The following PKP2 variants were observed in gnomAD, a reference collection of about 807,000 sequenced individuals.
PKP2 encodes plakophilin-2.
Under a neutral mutation model 83.4 loss-of-function variants are expected in PKP2, and 73 were observed. The observed-to-expected ratio is 0.88, with a 90% CI of 0.72 to 1.06. The LOEUF is 1.06. Ranked by LOEUF, PKP2 falls within the 50% of genes least tolerant of loss-of-function variation. PKP2 has a pLI of 0.00. For synonymous variants in PKP2, 409 were observed against 430.4 expected, an observed-to-expected ratio of 0.95 and a Z score of 0.62; for missense variants, 966 against 1,065.4, an observed-to-expected ratio of 0.91 and a Z score of 1.30.
rs1957129622 is a variant in PKP2 at position 32,896,740 on chromosome 12, T to A, written c.-9A>T. On this transcript the variant is annotated 5_prime_UTR_variant, in exon 1 of 13. Transcript: ENST00000340811. ...GCGCCGGGGGCTGCCATGGGGCCGG[T>A]GGGGGCGACCGAGCTGCTCGCCTGC... 1 of 1,394,998 alleles carries A rather than the reference T, an allele frequency of 7.2e-7. No homozygotes were observed. The highest frequency in any genetic ancestry group is 9.5e-7 in the Non-Finnish European group (1 of 1,056,112). The allele number at this position is 1,394,998 out of a possible 1,614,324, so 86.4% of individuals were successfully genotyped here. A position where few individuals can be genotyped will look rare whatever the true frequency, so the allele number is the denominator to read the frequency against.
chr12:32,802,880 G>A (rs888791397), intron 9 of PKP2, among the ~76,000 whole-genome samples: 1 of 151,508 alleles, frequency 6.6e-6, no homozygotes, highest in African/African-American at 2.4e-5. Context: ...GGCTGGTCTC[G>A]AACTCCTGAC....
intron 6 of PKP2, among the ~76,000 whole-genome samples, chr12:32,834,964 A>G (rs1592743642): frequency 8.6e-6 from 1 of 116,346 alleles, no homozygotes; most frequent in African/African-American, 3.2e-5. Context: ...AAAAAAAGGG[A>G]CTCACAATAG....
chr12:32,800,384 T>C (rs367769589), intron 10 of PKP2, among the ~76,000 whole-genome samples: 3 of 152,232 alleles, frequency 2.0e-5, no homozygotes, highest in Non-Finnish European at 2.9e-5. Context: ...CACTGAATGA[T>C]ATGTCATCAT....
At chr12:32,794,651 A>G (rs1956104668) in intron 11 of PKP2, among the ~76,000 whole-genome samples, 1 of 152,248 alleles carries the variant, frequency 6.6e-6, no homozygotes, top group Non-Finnish European at 1.5e-5. Context: ...ATACTATCTT[A>G]CGGTGATTTG....
intron 10 of PKP2, 110 bp downstream of exon 10, chr12:32,802,293 T>C (rs1956188436): frequency 1.7e-5 from 19 of 1,114,302 alleles, no homozygotes; most frequent in Non-Finnish European, 2.6e-5. Flanking sequence ...ACCTACTCCT[T>C]ACTCCCATTT....
At chr12:32,809,505 A>G (rs939515786) in intron 9 of PKP2, among the ~76,000 whole-genome samples, 1 of 152,190 alleles carries the variant, frequency 6.6e-6, no homozygotes, top group African/African-American at 2.4e-5. Flanking sequence ...AGTGGGACTT[A>G]ACTTGTGAGG....
At chr12:32,891,169 G>T (rs547022259) in intron 1 of PKP2, among the ~76,000 whole-genome samples, 1 of 152,158 alleles carries the variant, frequency 6.6e-6, no homozygotes, top group African/African-American at 2.4e-5. Context: ...GAGAAGTAGG[G>T]TATTTATCTT....
rs144608603 is a variant in PKP2, at chr12:32,877,708, C to T, written c.1034+138G>A. On this transcript the variant is annotated intron_variant, in intron 3 of 12. Coordinates refer to ENST00000340811, the MANE Select transcript of PKP2 (RefSeq NM_001005242.3). ...GGCTGATCTGTCAATTAGGCAGCTG[C>T]CTGAAAAGTCATTATTTTAATCACT... 83 of 741,488 alleles carry T rather than the reference C, an allele frequency of 1.1e-4. 1 individual carries two copies. In the African/African-American group the frequency reaches 1.2e-3, roughly 11 times the overall value. 45.9% of individuals were successfully genotyped at this position (741,488 alleles called of 1,614,324 possible). A position where few individuals can be genotyped will look rare whatever the true frequency, so the allele number is the denominator to read the frequency against.
chr12:32,819,793 G>C (rs1229482545), intron 9 of PKP2, among the ~76,000 whole-genome samples: 1 of 151,930 alleles, frequency 6.6e-6, no homozygotes. Context: ...TCTTGGAATG[G>C]AAGAGGCTAA....
chr12:32,841,328 G>T, intron 5 of PKP2, 123 bp from the exon 6 acceptor site: 1 of 754,776 alleles, frequency 1.3e-6, no homozygotes. Flanking sequence ...TGGGGGGTTG[G>T]GGGGCCAGCC....
chr12:32,810,046 A>G (rs1395046511), intron 9 of PKP2, among the ~76,000 whole-genome samples: 2 of 152,208 alleles, frequency 1.3e-5, no homozygotes, highest in African/African-American at 2.4e-5. Flanking sequence ...CTCTTATTTT[A>G]GCAGTCTCTC....
rs1356917302 is a variant in PKP2, at chr12:32,792,423, C to T, written c.*1G>A. On this transcript the variant is annotated 3_prime_UTR_variant, in exon 13 of 13. Transcript: ENST00000340811. ...CAGCCGAGAATACTTTGTCATTTTC[C>T]TCAGTCTTTAAGGGAGTGGTAGGCT... 2.5e-6 allele frequency: 4 copies of T among 1,610,970 alleles called. No homozygotes were observed. The highest frequency in any genetic ancestry group is 4.5e-5 in the East Asian group (2 of 44,874).
rs751862142 is a variant in PKP2, at chr12:32,843,312, G to A, written c.1379-2107C>T. 7 of 1,364,878 alleles carry A rather than the reference G, an allele frequency of 5.1e-6. No homozygotes were observed. The South Asian group carries it at 6.8e-5, about 13-fold the overall frequency. 84.5% of individuals were successfully genotyped at this position (1,364,878 alleles called of 1,614,324 possible). On this transcript the variant is annotated intron_variant, in intron 5 of 12. Transcript: ENST00000340811. ...TCCTACTTCTTAAATTGACTGTATGGTCTGTACAAAGGAAAGAGGAAGCAT... is the reference window on the plus strand; with the variant it reads ...TCCTACTTCTTAAATTGACTGTATGATCTGTACAAAGGAAAGAGGAAGCAT...
chr12:32,850,431 T>TAATCCTGTAATCCCA (rs1956685387), intron 5 of PKP2, among the ~76,000 whole-genome samples: 1 of 151,992 alleles, frequency 6.6e-6, no homozygotes, highest in Non-Finnish European at 1.5e-5. Context: ...TAGCCAGGTG[T>TAATCCTGTAATCCCA]GGTAGCACAT....
rs777690496 is a variant in PKP2 at position 32,858,064 on chromosome 12, C to CAAAAAAAA, written c.1171-7099_1171-7092dup. On this transcript the variant is annotated intron_variant, in intron 4 of 12. Coordinates refer to ENST00000340811, the MANE Select transcript of PKP2 (RefSeq NM_001005242.3). ...GGAACACAGGGAGACCCCATCTCTACAAAAAAAAAAAAAAAAAAAAATATA... is the reference window on the plus strand; with the variant it reads ...GGAACACAGGGAGACCCCATCTCTACAAAAAAAAAAAAAAAAAAAAAAAAAAAAATATA... Among the ~76,000 whole-genome samples the CAAAAAAAA allele has an allele frequency of 1.5e-4, 4 of 27,394 alleles. 1 individual carries two copies. Among genetic ancestry groups the CAAAAAAAA allele is most frequent in the African/African-American group, 2.6e-4 (2 of 7,738 alleles). 18.0% of individuals were successfully genotyped at this position (27,394 alleles called of 152,430 possible).
intron 3 of PKP2, among the ~76,000 whole-genome samples, chr12:32,871,073 T>C (rs1051526287): frequency 6.6e-6 from 1 of 152,058 alleles, no homozygotes; most frequent in Non-Finnish European, 1.5e-5. Context: ...TAACACGGCA[T>C]ACATTCTGGC....
At chr12:32,809,810 TG>T (rs776761281) in intron 9 of PKP2, among the ~76,000 whole-genome samples, 1 of 152,240 alleles carries the variant, frequency 6.6e-6, no homozygotes, top group East Asian at 1.9e-4. Context: ...TTCCCTTTGC[TG>T]GGGGTGGGGG....
chr12:32,805,075 G>C (rs58006606), intron 9 of PKP2, among the ~76,000 whole-genome samples: 10,422 of 150,926 alleles, frequency 0.069, 701 homozygotes, highest in African/African-American at 0.18. Context: ...TTTTTTTCAC[G>C]TTTGTTAACC....
intron 5 of PKP2, among the ~76,000 whole-genome samples, chr12:32,842,113 T>C (rs895501313): frequency 1.3e-5 from 2 of 152,162 alleles, no homozygotes; most frequent in Non-Finnish European, 2.9e-5. Context: ...AAGTGGCATA[T>C]ACGTTTAGGA....
Sources: allele counts gnomAD v4.1 joint callset (sites outside exome capture counted in the v4.1 genomes callset), GRCh38; gene constraint gnomAD v4.1.1; transcripts MANE v1.5; gene names NCBI Gene and HGNC (gene_info 2026-07-23, HGNC 2026-07-21).